Variants in PSPC1 observed in about 807,000 individuals in gnomAD.
PSPC1 encodes paraspeckle protein 1.
Under a neutral mutation model 51.6 loss-of-function variants are expected in PSPC1, and 14 were observed. The observed-to-expected ratio is 0.27, with a 90% CI of 0.18 to 0.42. The LOEUF is 0.42. PSPC1 is among the 10% of genes least tolerant of loss of function. PSPC1 has a pLI of 1.00. For missense variants in PSPC1, 406 were observed against 701.1 expected (o/e 0.58, Z 4.75); for synonymous variants, 193 against 231.9 (o/e 0.83, Z 1.53).
intron 6 of PSPC1, among the ~76,000 whole-genome samples, chr13:19,694,618 T>G: frequency 6.6e-6 from 1 of 152,230 alleles, no homozygotes; most frequent in South Asian, 2.1e-4. Context: ...AGTAGATTAA[T>G]ATAATCAAGT....
intron 4 of PSPC1, among the ~76,000 whole-genome samples, chr13:19,744,201 T>C (rs1885719076): frequency 6.6e-6 from 1 of 152,160 alleles, no homozygotes; most frequent in African/African-American, 2.4e-5. Flanking sequence ...AGTGGCATGA[T>C]GGTAGCTCAC....
chr13:19,712,862 T>C (rs188237599), intron 6 of PSPC1, among the ~76,000 whole-genome samples: 1 of 152,174 alleles, frequency 6.6e-6, no homozygotes, highest in African/African-American at 2.4e-5. Context: ...GATGGCATCA[T>C]TTTGTAACTA....
chr13:19,756,550 A>G (rs1295481486), intron 3 of PSPC1, among the ~76,000 whole-genome samples: 2 of 151,586 alleles, frequency 1.3e-5, no homozygotes, highest in East Asian at 4.0e-4. Flanking sequence ...TCCAGGCTGG[A>G]GTGTGGTGGC....
At chr13:19,683,680 C>T (rs1028232313) in intron 6 of PSPC1, among the ~76,000 whole-genome samples, 4 of 151,980 alleles carry the variant, frequency 2.6e-5, no homozygotes, top group African/African-American at 7.3e-5. Context: ...AGCAACTCAA[C>T]GTTGAGAAAT....
intron 6 of PSPC1, among the ~76,000 whole-genome samples, chr13:19,697,453 C>T (rs912477641): frequency 2.0e-5 from 3 of 152,134 alleles, no homozygotes; most frequent in Non-Finnish European, 2.9e-5. Context: ...CATGCTGTTA[C>T]AATGAATTAA....
intron 5 of PSPC1, among the ~76,000 whole-genome samples, chr13:19,732,769 A>C (rs934950093): frequency 2.0e-5 from 3 of 152,068 alleles, no homozygotes; most frequent in African/African-American, 7.2e-5. Context: ...TCTACTAAAA[A>C]TACAAAAATT....
chr13:19,701,736 G>C (rs1400117072), downstream of PSPC1, among the ~76,000 whole-genome samples: 5 of 152,248 alleles, frequency 3.3e-5, no homozygotes, highest in Non-Finnish European at 5.9e-5. Flanking sequence ...TATTTACATA[G>C]TGTTTATTTT....
At chr13:19,723,277 G>T (rs4126708) in intron 6 of PSPC1, among the ~76,000 whole-genome samples, 16,377 of 150,732 alleles carry the variant, frequency 0.11, 1,024 homozygotes, top group Middle Eastern at 0.14. Flanking sequence ...CTAACAGAAG[G>T]TAAGATCAAA....
intron 6 of PSPC1, among the ~76,000 whole-genome samples, chr13:19,729,291 C>CT (rs1265098461): frequency 1.3e-5 from 2 of 152,064 alleles, no homozygotes; most frequent in Non-Finnish European, 2.9e-5. Flanking sequence ...AATCCCAGCA[C>CT]TTTTGGAGGC....
intron 5 of PSPC1, among the ~76,000 whole-genome samples, chr13:19,735,239 G>A (rs1318173108): frequency 1.3e-5 from 2 of 152,032 alleles, no homozygotes; most frequent in East Asian, 3.9e-4. Flanking sequence ...TTGAACCGAA[G>A]AGGCAGAGGT....
intron 1 of PSPC1, among the ~76,000 whole-genome samples, chr13:19,772,810 A>C (rs754248779): frequency 2.0e-5 from 3 of 152,196 alleles, no homozygotes; most frequent in Non-Finnish European, 4.4e-5. Context: ...CCAACTATTA[A>C]ATATTCAAAG....
intron 6 of PSPC1, among the ~76,000 whole-genome samples, chr13:19,722,789 C>T (rs1050679392): frequency 8.6e-5 from 13 of 151,710 alleles, no homozygotes; most frequent in African/African-American, 2.4e-4. Context: ...AGCAAAACAC[C>T]GCCTCAAGAA....
At chr13:19,716,022 A>G (rs1173536508) in intron 6 of PSPC1, among the ~76,000 whole-genome samples, 1 of 151,230 alleles carries the variant, frequency 6.6e-6, no homozygotes, top group Non-Finnish European at 1.5e-5. Context: ...TCAAAAAAAT[A>G]AAAAATAAAA....
intron 5 of PSPC1, among the ~76,000 whole-genome samples, chr13:19,740,770 C>G (rs9506366): frequency 6.6e-6 from 1 of 152,124 alleles, no homozygotes; most frequent in African/African-American, 2.4e-5. Context: ...TCTCAAACAT[C>G]CTTACTTAAA....
chr13:19,698,949 G>A (rs550705544), downstream of PSPC1, among the ~76,000 whole-genome samples: 1 of 151,524 alleles, frequency 6.6e-6, no homozygotes, highest in Admixed American at 6.6e-5. Flanking sequence ...AATTTCATCA[G>A]GTAAAAAAAA....
intron 6 of PSPC1, among the ~76,000 whole-genome samples, chr13:19,685,692 G>A (rs1489072951): frequency 6.6e-6 from 1 of 152,124 alleles, no homozygotes; most frequent in Non-Finnish European, 1.5e-5. Context: ...CCAATCAAGA[G>A]GAGACTGGAA....
intron 6 of PSPC1, among the ~76,000 whole-genome samples, chr13:19,683,082 AAAAGAAAG>A (rs542189368): frequency 1.3e-4 from 20 of 152,162 alleles, no homozygotes; most frequent in African/African-American, 4.8e-4. Flanking sequence ...GAAAAAAAGA[AAAAGAAAG>A]AAAGAAAGAA....
rs540680719 is a variant in PSPC1, at chr13:19,781,701, C to A, written c.372+685G>T. 3.9e-5 allele frequency among the ~76,000 whole-genome samples: 6 copies of A among 152,228 alleles called. No homozygotes were observed. The South Asian group carries it at 1.2e-3, about 32-fold the overall frequency. On this transcript the variant is annotated intron_variant, in intron 1 of 8. Coordinates refer to ENST00000338910, the MANE Select transcript of PSPC1 (RefSeq NM_001354909.2). ...TGCACTGAGGTGAGAAATAAAGTGGCAGGCCAAGGCAGGAGGATCGCTCGT... is the reference window on the plus strand; with the variant it reads ...TGCACTGAGGTGAGAAATAAAGTGGAAGGCCAAGGCAGGAGGATCGCTCGT...
chr13:19,715,464 C>G (rs937152119), intron 6 of PSPC1, among the ~76,000 whole-genome samples: 1 of 152,130 alleles, frequency 6.6e-6, no homozygotes. Context: ...GCATAACCAT[C>G]CAAAACCCCA....
Sources: gnomAD v4.1 joint callset for allele counts (sites outside exome capture counted in the v4.1 genomes callset) on GRCh38, gnomAD v4.1.1 for gene constraint, MANE v1.5 for transcripts, NCBI Gene and HGNC (gene_info 2026-07-23, HGNC 2026-07-21) for gene names.